GRIN1: variants seen among roughly 807,000 people sequenced by gnomAD.
GRIN1 encodes glutamate ionotropic receptor NMDA type subunit 1, also known as glutamate receptor ionotropic, NMDA 1.
In GRIN1, 38 loss-of-function variants were observed where a neutral mutation model predicts 103.0. That is an observed-to-expected ratio of 0.37 (90% confidence interval 0.28 to 0.48). GRIN1 has a LOEUF of 0.48. Ranked by LOEUF, GRIN1 falls within the 20% of genes least tolerant of loss-of-function variation. The pLI, the probability that GRIN1 is intolerant of heterozygous loss-of-function variation, is 0.98. For missense variants in GRIN1, 577 were observed against 1,288.9 expected (o/e 0.45, Z 8.46); for synonymous variants, 544 against 532.7 (o/e 1.02, Z -0.29).
At chr9:137,156,523 A>AGCT in intron 4 of GRIN1, 146 bp from the exon 5 acceptor site, 1 of 1,171,856 alleles carries the variant, frequency 8.5e-7, no homozygotes, top group Non-Finnish European at 1.2e-6. Flanking sequence ...TCTGGGCCGC[A>AGCT]GCGCCTCTGC....
intron 1 of GRIN1, 39 bp from the exon 2 acceptor site, chr9:137,141,974 A>G (rs753425051): frequency 3.1e-6 from 5 of 1,612,746 alleles, no homozygotes; most frequent in Non-Finnish European, 1.7e-6. Flanking sequence ...TGCCTGGCTC[A>G]CCCCTGACTC....
intron 19 of GRIN1, 81 bp downstream of exon 19, chr9:137,165,377 C>A (rs1272831565): frequency 4.4e-6 from 4 of 917,538 alleles, no homozygotes; most frequent in Non-Finnish European, 7.2e-6. Context: ...TCACCCCGCC[C>A]CGGACCCTGG....
intron 4 of GRIN1, among the ~76,000 whole-genome samples, chr9:137,149,778 C>A (rs991745840): frequency 6.6e-6 from 1 of 152,180 alleles, no homozygotes; most frequent in Non-Finnish European, 1.5e-5. Flanking sequence ...CATGGGACAG[C>A]CAAAACCCCA....
intron 18 of GRIN1, chr9:137,164,127 C>A: frequency 1.7e-6 from 1 of 602,832 alleles, no homozygotes; most frequent in Non-Finnish European, 3.0e-6. Context: ...CCGAGGGAGG[C>A]CACGCACCCT....
At chr9:137,166,242 TC>T (rs1314156593) in intron 19 of GRIN1, among the ~76,000 whole-genome samples, 2 of 152,044 alleles carry the variant, frequency 1.3e-5, no homozygotes. Flanking sequence ...GAGCCCAGAA[TC>T]CCCCACCTCC....
At chr9:137,141,710 C>T (rs951592282) in intron 1 of GRIN1, among the ~76,000 whole-genome samples, 3 of 152,158 alleles carry the variant, frequency 2.0e-5, no homozygotes, top group Admixed American at 6.5e-5. Flanking sequence ...ACCTTGGGTG[C>T]GTCCCGTGCT....
Position 137,147,277 on chromosome 9 carries a change from G to A in GRIN1, c.570+1375G>A, listed in dbSNP as rs147577613. 2.7e-3 allele frequency among the ~76,000 whole-genome samples: 415 copies of A among 151,896 alleles called. 6 individuals are homozygous for A. Among genetic ancestry groups the A allele is most frequent in the African/African-American group, 9.7e-3 (401 of 41,408 alleles). The stretch of plus-strand genomic sequence containing the variant: ...CACACACACCTGGACACGTACTCAG[G>A]TGCGCTCCTCACACACACACCTGGA... On this transcript the variant is annotated intron_variant, in intron 3 of 19. Coordinates refer to ENST00000371561, the MANE Select transcript of GRIN1 (RefSeq NM_007327.4).
At chr9:137,154,970 C>G (rs540266872) in intron 4 of GRIN1, among the ~76,000 whole-genome samples, 17 of 152,334 alleles carry the variant, frequency 1.1e-4, no homozygotes, top group African/African-American at 2.9e-4. Flanking sequence ...ATTTTGGCTC[C>G]TCCTTAGTGA....
intron 12 of GRIN1, 29 bp downstream of exon 12, chr9:137,162,319 C>A: frequency 6.5e-7 from 1 of 1,547,278 alleles, no homozygotes; most frequent in Non-Finnish European, 8.7e-7. Context: ...TCAGACACCT[C>A]CATCTGCGGG....
intron 4 of GRIN1, among the ~76,000 whole-genome samples, chr9:137,155,944 C>T (rs888274546): frequency 1.3e-5 from 2 of 152,218 alleles, no homozygotes; most frequent in Admixed American, 6.5e-5. Context: ...CATCTCTGGC[C>T]GTCCCCAGGA....
At chr9:137,161,013 C>T (rs1160452014) in intron 8 of GRIN1, 43 bp from the exon 9 acceptor site, 4 of 1,611,512 alleles carry the variant, frequency 2.5e-6, no homozygotes, top group East Asian at 4.5e-5. Context: ...CCCTGGGCAG[C>T]CTTAGGTCGG....
At chr9:137,162,116 C>CGGGGGGGGGGGGTGGG in intron 11 of GRIN1, 28 bp downstream of exon 11, 2 of 419,730 alleles carry the variant, frequency 4.8e-6, no homozygotes, top group Non-Finnish European at 8.8e-6. Context: ...GGCGGGGTGG[C>CGGGGGGGGGGGGTGGG]GGCGGGGGGA....
At chr9:137,154,632 T>G (rs1045546108) in intron 4 of GRIN1, among the ~76,000 whole-genome samples, 1 of 150,000 alleles carries the variant, frequency 6.7e-6, no homozygotes, top group African/African-American at 2.5e-5. Context: ...TTTTTGTTTT[T>G]GTAGAGACGG....
At chr9:137,141,815 G>A (rs866889053) in intron 1 of GRIN1, among the ~76,000 whole-genome samples, 198 bp from the exon 2 acceptor site, 1 of 152,166 alleles carries the variant, frequency 6.6e-6, no homozygotes, top group Admixed American at 6.5e-5. Flanking sequence ...GGAGTGAGGG[G>A]AGGTCCGGGT....
Position 137,167,893 on chromosome 9 carries a change from G to A in GRIN1, c.*366G>A. ...AGTTAGCCCGGCCAAGGACACTGAT[G>A]GGTCCTGCTGCTCGGGAAGGCCTGA... On this transcript the variant is annotated 3_prime_UTR_variant, in exon 20 of 20. Coordinates refer to ENST00000371561, the MANE Select transcript of GRIN1 (RefSeq NM_007327.4). 2.6e-6 allele frequency: 4 copies of A among 1,523,142 alleles called. No individual in the cohort carries two copies. The highest frequency in any genetic ancestry group is 3.6e-6 in the Non-Finnish European group (4 of 1,103,428). The allele number at this position is 1,523,142 out of a possible 1,614,324, so 94.4% of individuals were successfully genotyped here. A position where few individuals can be genotyped will look rare whatever the true frequency, so the allele number is the denominator to read the frequency against.
chr9:137,140,918 C>T (rs1832130913), intron 1 of GRIN1, among the ~76,000 whole-genome samples: 1 of 152,210 alleles, frequency 6.6e-6, no homozygotes, highest in Admixed American at 6.5e-5. Flanking sequence ...ACAAGCCACC[C>T]CCGTGCCCCA....
intron 4 of GRIN1, among the ~76,000 whole-genome samples, chr9:137,150,733 C>A (rs1201117696): frequency 6.8e-6 from 1 of 146,864 alleles, no homozygotes; most frequent in Non-Finnish European, 1.5e-5. Flanking sequence ...TAAAAGCCCG[C>A]CCAGGGAAAG....
At chr9:137,148,949 C>T in intron 3 of GRIN1, 60 bp from the exon 4 acceptor site, 1 of 1,253,074 alleles carries the variant, frequency 8.0e-7, no homozygotes, top group Non-Finnish European at 1.1e-6. Flanking sequence ...CCAACTCTCA[C>T]CCCTGAGGCG....
In GRIN1 at chr9:137,139,254, C is replaced by T; in HGVS notation, c.-233C>T. 1 of 183,926 alleles carries T rather than the reference C, an allele frequency of 5.4e-6. No homozygotes were observed. The highest frequency in any genetic ancestry group is 1.7e-4 in the South Asian group (1 of 5,892). 11.4% of individuals were successfully genotyped at this position (183,926 alleles called of 1,614,324 possible). A position where few individuals can be genotyped will look rare whatever the true frequency, so the allele number is the denominator to read the frequency against. On this transcript the variant is annotated 5_prime_UTR_variant, in exon 1 of 20. Coordinates refer to ENST00000371561, the MANE Select transcript of GRIN1 (RefSeq NM_007327.4). The surrounding 1 kb of genome is among the most constrained non-coding windows in gnomAD (Gnocchi z 7.7). ...GCCGGGCGCTCGGAGCTGTGCCCGG[C>T]CCCGCTTCAGCACCGCGGACAGCGC... is the stretch of plus-strand genomic sequence containing the variant.
Sources: gnomAD v4.1 joint callset for allele counts (sites outside exome capture counted in the v4.1 genomes callset) on GRCh38, gnomAD v4.1.1 for gene constraint, Gnocchi (gnomAD v3.1) non-coding constraint, MANE v1.5 for transcripts, NCBI Gene and HGNC (gene_info 2026-07-23, HGNC 2026-07-21) for gene names.